Variants in ULBP1 observed in about 807,000 individuals in gnomAD.
ULBP1 encodes the protein UL16 binding protein 1.
Under a neutral mutation model 25.3 loss-of-function variants are expected in ULBP1, and 28 were observed. The observed-to-expected ratio is 1.10, with a 90% CI of 0.82 to 1.51. The LOEUF (loss-of-function observed/expected upper bound fraction) is 1.51. Ranked by LOEUF, ULBP1 falls within the 40% of genes most tolerant of loss-of-function variation. The probability of loss-of-function intolerance (pLI) is 0.00; values close to 1 mark genes in which losing one functional copy is unlikely to be tolerated. For synonymous variants in ULBP1, 129 were observed against 103.0 expected, an observed-to-expected ratio of 1.25 and a Z score of -1.53; for missense variants, 348 against 290.9, an observed-to-expected ratio of 1.20 and a Z score of -1.43.
chr6:149,969,287 G>C lies in ULBP1; in HGVS notation c.552G>C (p.Lys184Asn). 1 of 1,614,258 alleles carries C rather than the reference G, an allele frequency of 6.2e-7. No homozygotes were observed. The highest frequency in any genetic ancestry group is 8.5e-7 in the Non-Finnish European group (1 of 1,180,042). The change falls in exon 3 of 5, where the codon AAG (lysine) becomes AAC (asparagine). Residue 184 changes from lysine (K) to asparagine (N), a missense_variant. By Grantham distance (94) the Lys-to-Asn change is moderately conservative. Coordinates refer to ENST00000229708, the MANE Select transcript of ULBP1 (RefSeq NM_025218.4). Reference sequence around the variant, plus strand: ...GGGATGTGACCATGTTCTTCCAGAAGATTTCACTGGGGGATTGTAAGATGT... The same window carrying C: ...GGGATGTGACCATGTTCTTCCAGAACATTTCACTGGGGGATTGTAAGATGT... ...KNRDVTMFFQ[K>N]ISLGDCKMWL...
In ULBP1 at chr6:149,972,809, T is replaced by A. The variant is rs1292056680; in HGVS notation, c.*1463T>A. On this transcript the variant is annotated 3_prime_UTR_variant, in exon 5 of 5. Transcript: ENST00000229708. ...AAATCAAAACTGCAATGAGTTACCA[T>A]CTCTTACCAGTCACAAAGTCAGAGA... 1 of 152,148 alleles carries A rather than the reference T, an allele frequency of 6.6e-6. No individual in the cohort carries two copies. The highest frequency in any genetic ancestry group is 2.4e-5 in the African/African-American group (1 of 41,414). The allele number at this position is 152,148 out of a possible 1,614,324, so 9.4% of individuals were successfully genotyped here.
Position 149,971,911 on chromosome 6 carries a change from C to T in ULBP1, c.*565C>T, listed in dbSNP as rs1779325252. 1 of 152,144 alleles carries T rather than the reference C, an allele frequency of 6.6e-6. No homozygotes were observed. 9.4% of individuals were successfully genotyped at this position (152,144 alleles called of 1,614,324 possible). A position where few individuals can be genotyped will look rare whatever the true frequency, so the allele number is the denominator to read the frequency against. ...CTTCACTCACTGTAATCTCCAGCTC[C>T]TGGGCTCAAGTGATCCTCTAGACTC... On this transcript the variant is annotated 3_prime_UTR_variant, in exon 5 of 5. Transcript: ENST00000229708.
intron 4 of ULBP1, among the ~76,000 whole-genome samples, chr6:149,970,595 G>A (rs1236599639): frequency 4.6e-5 from 7 of 152,236 alleles, no homozygotes; most frequent in African/African-American, 4.8e-5. Flanking sequence ...ATCCCAGGAC[G>A]AGGGAGCTGT....
chr6:149,970,381 G>A (rs1296889386), intron 4 of ULBP1, among the ~76,000 whole-genome samples: 1 of 152,224 alleles, frequency 6.6e-6, no homozygotes, highest in Admixed American at 6.5e-5. Flanking sequence ...CAAGGCTCAA[G>A]GCCTGTTGAG....
At chr6:149,968,382 G>A (rs1442723394) in intron 1 of ULBP1, among the ~76,000 whole-genome samples, 3 of 152,194 alleles carry the variant, frequency 2.0e-5, no homozygotes, top group East Asian at 1.9e-4. Context: ...ATGTCTGGAG[G>A]GGACATGTGG....
chr6:149,966,953 A>G (rs1395749429), intron 1 of ULBP1, among the ~76,000 whole-genome samples: 3 of 152,174 alleles, frequency 2.0e-5, no homozygotes, highest in Non-Finnish European at 4.4e-5. Flanking sequence ...CCAGGGTCAA[A>G]TAGCTGTATT....
intron 2 of ULBP1, 50 bp downstream of exon 2, chr6:149,968,920 T>C: frequency 6.4e-7 from 1 of 1,573,946 alleles, no homozygotes; most frequent in Non-Finnish European, 8.6e-7. Flanking sequence ...CTTAGAGTCA[T>C]TTATTGATTT....
rs368933008 is a variant in ULBP1, at chr6:149,972,372, A to G, written c.*1026A>G. On this transcript the variant is annotated 3_prime_UTR_variant, in exon 5 of 5. Coordinates refer to ENST00000229708, the MANE Select transcript of ULBP1 (RefSeq NM_025218.4). ...TAAAATAATTCAATATGGATGAAAG[A>G]TTTAAATATAAGTACTAAAACTGTA... 1 of 152,190 alleles carries G rather than the reference A, an allele frequency of 6.6e-6. No individual in the cohort carries two copies. 9.4% of individuals were successfully genotyped at this position (152,190 alleles called of 1,614,324 possible).
At chr6:149,970,186 T>C (rs1779289643) in intron 4 of ULBP1, 39 bp downstream of exon 4, 6 of 1,540,450 alleles carry the variant, frequency 3.9e-6, no homozygotes, top group Non-Finnish European at 5.3e-6. Context: ...AAGAGGCAGA[T>C]GGGTGAGATG....
chr6:149,964,028 T>C lies in ULBP1; in HGVS notation c.-22T>C. ...CGAAGGGAACCATCAGCGCCTCCTG[T>C]CCACGGAGCTCCAGGTCTACAATGG... On this transcript the variant is annotated 5_prime_UTR_variant, in exon 1 of 5. Coordinates refer to ENST00000229708, the MANE Select transcript of ULBP1 (RefSeq NM_025218.4). 1 of 1,613,648 alleles carries C rather than the reference T, an allele frequency of 6.2e-7. No individual in the cohort carries two copies. The highest frequency in any genetic ancestry group is 8.5e-7 in the Non-Finnish European group (1 of 1,179,726).
intron 2 of ULBP1, 22 bp from the exon 3 acceptor site, chr6:149,969,063 T>G: frequency 6.2e-7 from 1 of 1,612,572 alleles, no homozygotes; most frequent in Non-Finnish European, 8.5e-7. Flanking sequence ...AGATCAGAGC[T>G]GATCTCTTTG....
At chr6:149,967,734 G>A (rs1779228511) in intron 1 of ULBP1, among the ~76,000 whole-genome samples, 1 of 151,976 alleles carries the variant, frequency 6.6e-6, no homozygotes, top group Non-Finnish European at 1.5e-5. Context: ...ACAGTTGACG[G>A]CCTCCGCTTG....
chr6:149,971,256 T>A, intron 4 of ULBP1, 113 bp from the exon 5 acceptor site: 1 of 755,528 alleles, frequency 1.3e-6, no homozygotes, highest in Non-Finnish European at 1.6e-6. Flanking sequence ...GAAAAGCATG[T>A]TTCTTATTTG....
chr6:149,969,998 C>G lies in ULBP1; in HGVS notation c.626-18C>G. 1.2e-6 allele frequency: 2 copies of G among 1,602,564 alleles called. No homozygotes were observed. Among genetic ancestry groups the G allele is most frequent in the Non-Finnish European group, 1.7e-6 (2 of 1,174,404 alleles). ...TTGAGCCTGGACAAGGGTTGTCACT[C>G]CTGTGTTTCCATTTCAGAACCACCC... On this transcript the variant is annotated intron_variant, in intron 3 of 4. Transcript: ENST00000229708.
intron 1 of ULBP1, among the ~76,000 whole-genome samples, chr6:149,965,461 C>A (rs1367258207): frequency 6.6e-6 from 1 of 152,204 alleles, no homozygotes; most frequent in Non-Finnish European, 1.5e-5. Context: ...GGTGGAGGGA[C>A]CAAAAGGCTA....
rs777011672 is a variant in ULBP1 at position 149,968,728 on chromosome 6, C to G, written c.207C>G (p.His69Gln). 6.2e-7 allele frequency: 1 copy of G among 1,614,248 alleles called. No individual in the cohort carries two copies. The highest frequency in any genetic ancestry group is 1.1e-5 in the South Asian group (1 of 91,082). Residue 69 changes from histidine to glutamine, a missense_variant, in exon 2 of 5, where the codon CAC (histidine) becomes CAG (glutamine). Transcript: ENST00000229708. ...TTCTTCACTATGACTGTGTTAACCA[C>G]AAGGCCAAAGCCTTTGCTTCTCTGG... ...RPFLHYDCVN[H>Q]KAKAFASLGK...
At position 149,969,199 on chromosome 6, in the gene ULBP1, A is replaced by C. The variant is rs1318601491; in HGVS notation, c.464A>C (p.Asn155Thr). 2 of 1,614,138 alleles carry C rather than the reference A, an allele frequency of 1.2e-6. No homozygotes were observed. Among genetic ancestry groups the C allele is most frequent in the Admixed American group, 3.3e-5 (2 of 60,016 alleles). ...AAGTTCCTCCTCTTTGACTCAAACA[A>C]CAGAAAGTGGACAGCACTTCATCCT... is the stretch of plus-strand genomic sequence containing the variant. Reference protein sequence around the residue: ...GQKFLLFDSNNRKWTALHPGA... With the variant: ...GQKFLLFDSNTRKWTALHPGA... The change falls in exon 3 of 5, where the codon AAC (asparagine) becomes ACC (threonine). Residue 155 changes from asparagine to threonine, a missense_variant. Coordinates refer to ENST00000229708, the MANE Select transcript of ULBP1 (RefSeq NM_025218.4).
chr6:149,970,075 C>A lies in ULBP1; in HGVS notation c.685C>A (p.Pro229Thr). Reference sequence around the variant, plus strand: ...CAAGGCCATGGCCACCACCCTCAGTCCCTGGAGCCTTCTCATCATCTTCCT... The same window carrying A: ...CAAGGCCATGGCCACCACCCTCAGTACCTGGAGCCTTCTCATCATCTTCCT... ...QPKAMATTLS[P>T]WSLLIIFLCF... is the part of the protein sequence containing the mutation. Residue 229 changes from proline (P) to threonine (T), a missense_variant, in exon 4 of 5, where the codon CCC (proline) becomes ACC (threonine). Physicochemically the swap from Pro to Thr is conservative, Grantham distance 38 (BLOSUM62 -1). Coordinates refer to ENST00000229708, the MANE Select transcript of ULBP1 (RefSeq NM_025218.4). 6.2e-7 allele frequency: 1 copy of A among 1,613,420 alleles called. No individual in the cohort carries two copies. Among genetic ancestry groups the A allele is most frequent in the South Asian group, 1.1e-5 (1 of 90,760 alleles).
intron 3 of ULBP1, 69 bp from the exon 4 acceptor site, chr6:149,969,947 G>A (rs920272327): frequency 7.2e-6 from 11 of 1,537,774 alleles, no homozygotes; most frequent in Non-Finnish European, 9.7e-6. Context: ...GGGGTGGCAG[G>A]AGCTGAGGAG....
Sources: allele counts gnomAD v4.1 joint callset (sites outside exome capture counted in the v4.1 genomes callset), GRCh38; gene constraint gnomAD v4.1.1; transcripts MANE v1.5; gene names NCBI Gene and HGNC (gene_info 2026-07-23, HGNC 2026-07-21).